Variants in MAGT1 observed in about 807,000 individuals in gnomAD.
MAGT1 encodes the protein dolichyl-diphosphooligosaccharide--protein glycosyltransferase subunit MAGT1.
A neutral mutation model predicts 28.4 loss-of-function variants in MAGT1; 4 were observed. That is an observed-to-expected ratio of 0.14 (90% CI 0.07 to 0.32). MAGT1 has a LOEUF of 0.32. MAGT1 is among the 10% of genes least tolerant of loss of function. MAGT1 has a pLI of 1.00. For missense variants in MAGT1, 193 were observed against 264.5 expected, an observed-to-expected ratio of 0.73 and a Z score of 1.88; for synonymous variants, 89 against 89.7, an observed-to-expected ratio of 0.99 and a Z score of 0.04.
chrX:77,894,264 T>A (rs1309435384), intron 1 of MAGT1, among the ~76,000 whole-genome samples: 2 of 112,378 alleles, frequency 1.8e-5, no homozygotes, highest in African/African-American at 6.5e-5. Context: ...ATTTTTATTG[T>A]ACTCTTTGCC....
chrX:77,853,561 A>T (rs1250426876), intron 7 of MAGT1, among the ~76,000 whole-genome samples: 1 of 112,119 alleles, frequency 8.9e-6, no homozygotes, highest in Non-Finnish European at 1.9e-5. Flanking sequence ...CACTGCTTTT[A>T]GCCTATCAAA....
intron 5 of MAGT1, among the ~76,000 whole-genome samples, chrX:77,856,149 T>A (rs1471246945): frequency 9.0e-6 from 1 of 111,361 alleles, no homozygotes; most frequent in Admixed American, 9.7e-5. Context: ...AGAATAAAAT[T>A]TTCAGGCTGG....
rs1270531673 is a variant in MAGT1, at chrX:77,844,318, A to G, written c.827-2998T>C. ...TATCCCCTTTATCATTTTTTATTGC[A>G]TCTATTTGATTCTTCTCTCTTTTCT... On this transcript the variant is annotated intron_variant, in intron 7 of 9. Transcript: ENST00000618282. Among the ~76,000 whole-genome samples the G allele has an allele frequency of 3.6e-5, 4 of 110,708 alleles. No homozygotes were observed. In the East Asian group the frequency reaches 8.5e-4, roughly 24 times the overall value.
Position 77,877,876 on chromosome X carries a change from C to A in MAGT1, c.103-2279G>T, listed in dbSNP as rs5913420. ...ATAAAATAAAATAAAATAAAATATACTGACAATATCAAATGCTGGTGAGGA... is the reference window on the plus strand; with the variant it reads ...ATAAAATAAAATAAAATAAAATATAATGACAATATCAAATGCTGGTGAGGA... On this transcript the variant is annotated intron_variant, in intron 1 of 9. Transcript: ENST00000618282. 2.1e-4 allele frequency among the ~76,000 whole-genome samples: 8 copies of A among 37,620 alleles called. No individual in the cohort carries two copies. In the South Asian group the frequency reaches 7.2e-3, roughly 34 times the overall value. The allele number at this position is 37,620 out of a possible 115,157, so 32.7% of individuals were successfully genotyped here.
chrX:77,871,339 A>T (rs1164802845), intron 2 of MAGT1, among the ~76,000 whole-genome samples: 1 of 112,811 alleles, frequency 8.9e-6, no homozygotes, highest in Non-Finnish European at 1.9e-5. Flanking sequence ...ATTCATTTTT[A>T]AAAATCTAAA....
chrX:77,846,898 G>T lies in MAGT1; in HGVS notation c.827-5578C>A, dbSNP rs782680073. On this transcript the variant is annotated intron_variant, in intron 7 of 9. Coordinates refer to ENST00000618282, the MANE Select transcript of MAGT1 (RefSeq NM_001367916.1). ...GGGGGTCAGGGACCCACTTAAGGAG[G>T]CAGTCTGTCCGTTCTCAGATCTCAA... is the stretch of plus-strand genomic sequence containing the variant. Among the ~76,000 whole-genome samples, 8 of 112,019 alleles carry T rather than the reference G, an allele frequency of 7.1e-5. No individual in the cohort carries two copies. In the South Asian group the frequency reaches 2.9e-3, roughly 41 times the overall value.
chrX:77,856,493 T>C (rs1396982459), intron 5 of MAGT1: 2 of 330,572 alleles, frequency 6.1e-6, no homozygotes, highest in South Asian at 1.2e-4. Context: ...TTCATAGAGA[T>C]GACAGTCTGT....
intron 7 of MAGT1, 60 bp downstream of exon 7, chrX:77,853,841 A>G (rs1413024424): frequency 8.4e-6 from 8 of 951,427 alleles, no homozygotes; most frequent in Non-Finnish European, 1.1e-5. Flanking sequence ...TGTAGAGAGA[A>G]TACTAGACTG....
intron 1 of MAGT1, among the ~76,000 whole-genome samples, chrX:77,881,468 G>A (rs1346523214): frequency 1.1e-5 from 1 of 93,873 alleles, no homozygotes; most frequent in African/African-American, 4.1e-5. Flanking sequence ...CCTGGGTCCA[G>A]GTGTTCTCAC....
rs782055372 is a variant in MAGT1 at position 77,832,339 on chromosome X, G to A, written c.902-1444C>T. Among the ~76,000 whole-genome samples, 23 of 110,271 alleles carry A rather than the reference G, an allele frequency of 2.1e-4. No individual in the cohort carries two copies. The South Asian group carries it at 2.3e-3, about 11-fold the overall frequency. On this transcript the variant is annotated intron_variant, in intron 8 of 9. Transcript: ENST00000618282. ...TCCAATCTTTTGGCTTCCCAGGGCC[G>A]TACTGGAAGAAGAGCTGTCCTGGGC...
At chrX:77,875,734 G>A in intron 1 of MAGT1, 137 bp from the exon 2 acceptor site, 1 of 537,370 alleles carries the variant, frequency 1.9e-6, no homozygotes, top group Non-Finnish European at 3.1e-6. Flanking sequence ...CCAAAATTTG[G>A]TAGTTGGGCT....
At chrX:77,845,252 G>A (rs2076947951) in intron 7 of MAGT1, among the ~76,000 whole-genome samples, 1 of 111,182 alleles carries the variant, frequency 9.0e-6, no homozygotes, top group African/African-American at 3.3e-5. Context: ...TTTTATCAGA[G>A]ACTAGGATTG....
chrX:77,875,298 A>T (rs1292597988), intron 2 of MAGT1, 130 bp downstream of exon 2: 1 of 593,825 alleles, frequency 1.7e-6, no homozygotes, highest in Non-Finnish European at 2.9e-6. Flanking sequence ...TAGTATTGCT[A>T]CCATAGACAT....
At chrX:77,895,137 G>A (rs782609259) in intron 1 of MAGT1, among the ~76,000 whole-genome samples, 172 bp downstream of exon 1, 27 of 111,659 alleles carry the variant, frequency 2.4e-4, no homozygotes, top group Non-Finnish European at 1.3e-4. Flanking sequence ...ATCCCCAGAA[G>A]ACAAAGAGTT....
chrX:77,845,581 G>T (rs1357712224), intron 7 of MAGT1, among the ~76,000 whole-genome samples: 1 of 111,851 alleles, frequency 8.9e-6, no homozygotes, highest in Non-Finnish European at 1.9e-5. Flanking sequence ...GGTGCCGGTT[G>T]TTCCTTTCCA....
intron 7 of MAGT1, among the ~76,000 whole-genome samples, chrX:77,844,396 C>T (rs946754788): frequency 2.7e-5 from 3 of 111,292 alleles, no homozygotes; most frequent in Non-Finnish European, 5.7e-5. Context: ...TTTCAAAAAC[C>T]AGCTCCAGGA....
chrX:77,863,552 A>C (rs1335100900), intron 3 of MAGT1, among the ~76,000 whole-genome samples: 1 of 111,187 alleles, frequency 9.0e-6, no homozygotes, highest in African/African-American at 3.3e-5. Context: ...ATTTCCCAAG[A>C]AACTAAAAAT....
chrX:77,830,407 G>A (rs2076894248), intron 9 of MAGT1, among the ~76,000 whole-genome samples: 1 of 111,124 alleles, frequency 9.0e-6, no homozygotes. Context: ...ATCACTTGAG[G>A]TCAGGAGTCC....
intron 5 of MAGT1, among the ~76,000 whole-genome samples, chrX:77,855,852 C>A (rs1449231665): frequency 1.8e-5 from 2 of 108,841 alleles, no homozygotes; most frequent in African/African-American, 6.7e-5. Flanking sequence ...CTCACTGCAA[C>A]CTCCGCCTCC....
Sources: gnomAD v4.1 joint callset for allele counts (sites outside exome capture counted in the v4.1 genomes callset) on GRCh38, gnomAD v4.1.1 for gene constraint, MANE v1.5 for transcripts, NCBI Gene and HGNC (gene_info 2026-07-23, HGNC 2026-07-21) for gene names.